The following ADAMTS3 variants were observed in gnomAD, a reference collection of about 807,000 sequenced individuals.
The protein encoded by ADAMTS3 is ADAM metallopeptidase with thrombospondin type 1 motif 3.
A neutral mutation model predicts 129.0 loss-of-function variants in ADAMTS3; 73 were observed. The observed-to-expected ratio is 0.57, with a 90% CI of 0.47 to 0.69. The LOEUF (loss-of-function observed/expected upper bound fraction) is 0.69. Among genes scored for constraint, ADAMTS3 ranks in the 30% least tolerant of loss-of-function variants. The pLI is 0.00. For synonymous variants in ADAMTS3, 477 were observed against 510.8 expected (o/e 0.93, Z 0.89); for missense variants, 1,457 against 1,514.5 (o/e 0.96, Z 0.63).
chr4:72,465,166 A>G (rs1308269664), intron 3 of ADAMTS3, among the ~76,000 whole-genome samples: 1 of 152,054 alleles, frequency 6.6e-6, no homozygotes, highest in Non-Finnish European at 1.5e-5. Context: ...AGGGGCAGGT[A>G]TCAGAGGAAC....
intron 4 of ADAMTS3, among the ~76,000 whole-genome samples, chr4:72,405,330 T>C (rs1361683005): frequency 2.0e-5 from 3 of 152,036 alleles, no homozygotes; most frequent in African/African-American, 7.2e-5. Context: ...GAAAATGTGG[T>C]ATATATATAC....
At chr4:72,350,745 T>A (rs188060339) in intron 4 of ADAMTS3, among the ~76,000 whole-genome samples, 11 of 152,088 alleles carry the variant, frequency 7.2e-5, no homozygotes, top group African/African-American at 2.4e-4. Context: ...GTCTGGCTTG[T>A]GGAAACAAGC....
chr4:72,548,602 T>C lies in ADAMTS3; in HGVS notation c.380A>G (p.His127Arg). ...TCTATACGTAGCACTTCCTGGTTGA[T>C]GGTTGTTAATGGGATCGGTTATATT... is the stretch of plus-strand genomic sequence containing the variant. ...PGNITDPINN[H>R]QPGSATYRIR... Residue 127 changes from histidine to arginine, a missense_variant, in exon 3 of 22, where the codon CAT (histidine) becomes CGT (arginine). His to Arg is a conservative substitution (Grantham distance 29). Transcript: ENST00000286657. 2 of 1,614,004 alleles carry C rather than the reference T, an allele frequency of 1.2e-6. No individual in the cohort carries two copies. The highest frequency in any genetic ancestry group is 1.7e-6 in the Non-Finnish European group (2 of 1,179,930).
In ADAMTS3 at chr4:72,530,519, AATATATTAATTTAAT is replaced by A. The variant is rs1392480333; in HGVS notation, c.504+17944_504+17958del. 1.8e-3 allele frequency among the ~76,000 whole-genome samples: 161 copies of A among 89,144 alleles called. 1 individual carries two copies. Among genetic ancestry groups the A allele is most frequent in the African/African-American group, 6.9e-3 (150 of 21,702 alleles). 58.5% of individuals were successfully genotyped at this position (89,144 alleles called of 152,430 possible). A position where few individuals can be genotyped will look rare whatever the true frequency, so the allele number is the denominator to read the frequency against. On this transcript the variant is annotated intron_variant, in intron 3 of 21. Coordinates refer to ENST00000286657, the MANE Select transcript of ADAMTS3 (RefSeq NM_014243.3). ...ATATACAAATATATATTTATATATA[AATATATTAATTTAAT>A]ATATATTAATTTAAAATATATTGAT...
intron 3 of ADAMTS3, among the ~76,000 whole-genome samples, chr4:72,447,859 A>G (rs1578687532): frequency 6.6e-6 from 1 of 151,896 alleles, no homozygotes; most frequent in Non-Finnish European, 1.5e-5. Flanking sequence ...ATATCTAAAA[A>G]TGTAACCACT....
intron 3 of ADAMTS3, among the ~76,000 whole-genome samples, chr4:72,496,412 C>T (rs193148232): frequency 4.6e-5 from 7 of 152,244 alleles, no homozygotes. Flanking sequence ...TCAGATCTCA[C>T]CTTTCTTCTT....
rs773209075 is a variant in ADAMTS3, at chr4:72,318,609, C to A, written c.1448G>T (p.Arg483Leu). Residue 483 changes from arginine to leucine, a missense_variant, in exon 10 of 22, where the codon CGT becomes CTT. By Grantham distance (102) the Arg-to-Leu change is moderately radical. Coordinates refer to ENST00000286657, the MANE Select transcript of ADAMTS3 (RefSeq NM_014243.3). ...TTTATAGCCAACACCAAAATCAAAA[C>A]GACATTGCTCATCCATAGAATAATT... ...GINYSMDEQC[R>L]FDFGVGYKMC... 2.5e-6 allele frequency: 4 copies of A among 1,613,770 alleles called. No homozygotes were observed. The highest frequency in any genetic ancestry group is 3.4e-6 in the Non-Finnish European group (4 of 1,179,872).
chr4:72,537,692 T>C lies in ADAMTS3; in HGVS notation c.504+10786A>G, dbSNP rs1721216592. 2.0e-5 allele frequency among the ~76,000 whole-genome samples: 3 copies of C among 152,208 alleles called. No homozygotes were observed. The South Asian group carries it at 6.2e-4, about 32-fold the overall frequency. On this transcript the variant is annotated intron_variant, in intron 3 of 21. Coordinates refer to ENST00000286657, the MANE Select transcript of ADAMTS3 (RefSeq NM_014243.3). The stretch of plus-strand genomic sequence containing the variant: ...CTGATTTCCAGAGATACAACACTAT[T>C]AGGTTCAGAAGCTCAATTTAAAACC...
chr4:72,469,715 C>T (rs373013511), intron 3 of ADAMTS3, among the ~76,000 whole-genome samples: 5 of 152,120 alleles, frequency 3.3e-5, no homozygotes, highest in East Asian at 3.9e-4. Flanking sequence ...CCTCCTCCTC[C>T]GCCTCCTCTC....
Position 72,283,483 on chromosome 4 carries a change from G to A in ADAMTS3, c.3271C>T (p.Pro1091Ser), listed in dbSNP as rs1182670059. 6 of 1,613,886 alleles carry A rather than the reference G, an allele frequency of 3.7e-6. No homozygotes were observed. The highest frequency in any genetic ancestry group is 1.6e-4 in the Middle Eastern group (1 of 6,084). Residue 1091 changes from proline (P) to serine (S), a missense_variant, in exon 22 of 22, where the codon CCT (proline) becomes TCT (serine). Physicochemically the swap from Pro to Ser is moderately conservative, Grantham distance 74. Transcript: ENST00000286657. ...TTTGCAGGGGTCTCTGAATGATAAG[G>A]AACCAAAGATGTAGGCATCACTAGA... The part of the protein sequence containing the change: ...RSLVMPTSLV[P>S]YHSETPAKKM...
chr4:72,349,199 G>A (rs1720364601), intron 4 of ADAMTS3, among the ~76,000 whole-genome samples: 1 of 151,996 alleles, frequency 6.6e-6, no homozygotes, highest in African/African-American at 2.4e-5. Context: ...TAAATAGGCT[G>A]AGCTAGCTGA....
At chr4:72,512,518 A>G (rs1047452158) in intron 3 of ADAMTS3, among the ~76,000 whole-genome samples, 1 of 152,182 alleles carries the variant, frequency 6.6e-6, no homozygotes, top group Non-Finnish European at 1.5e-5. Flanking sequence ...ATAAATAAAT[A>G]AGACTTACTA....
chr4:72,451,732 A>G (rs1718411905), intron 3 of ADAMTS3, among the ~76,000 whole-genome samples: 1 of 151,584 alleles, frequency 6.6e-6, no homozygotes, highest in Non-Finnish European at 1.5e-5. Context: ...GTTAAAGGAA[A>G]TATGATTGAC....
chr4:72,400,118 GTATA>G (rs761270518), intron 4 of ADAMTS3, among the ~76,000 whole-genome samples: 2 of 120,370 alleles, frequency 1.7e-5, no homozygotes, highest in Non-Finnish European at 3.5e-5. Context: ...CACATGGTGT[GTATA>G]TACGTGTGTA....
intron 2 of ADAMTS3, among the ~76,000 whole-genome samples, chr4:72,562,446 T>A (rs903771159): frequency 6.6e-6 from 1 of 152,190 alleles, no homozygotes; most frequent in African/African-American, 2.4e-5. Flanking sequence ...TTCACTATCA[T>A]GGGAAAATAA....
At position 72,360,335 on chromosome 4, in the gene ADAMTS3, G is replaced by A. The variant is rs564148045; in HGVS notation, c.662-20642C>T. 2.6e-5 allele frequency among the ~76,000 whole-genome samples: 4 copies of A among 151,996 alleles called. No individual in the cohort carries two copies. In the South Asian group the frequency reaches 6.2e-4, roughly 24 times the overall value. The stretch of plus-strand genomic sequence containing the variant: ...TCTACTGAAAAGGACACAAATTCTC[G>A]ACCTGAATGCCTACGGTCTCATAAA... On this transcript the variant is annotated intron_variant, in intron 4 of 21. Coordinates refer to ENST00000286657, the MANE Select transcript of ADAMTS3 (RefSeq NM_014243.3).
At chr4:72,446,530 G>A (rs937935384) in intron 3 of ADAMTS3, among the ~76,000 whole-genome samples, 1 of 151,608 alleles carries the variant, frequency 6.6e-6, no homozygotes, top group African/African-American at 2.4e-5. Context: ...TCACACTGGT[G>A]TATGATCCAG....
intron 4 of ADAMTS3, among the ~76,000 whole-genome samples, chr4:72,385,949 T>G (rs980515902): frequency 6.6e-6 from 1 of 152,196 alleles, no homozygotes; most frequent in Admixed American, 6.5e-5. Context: ...TTCCTTTTAA[T>G]TACACTCAAA....
chr4:72,389,461 C>G (rs1002637555), intron 4 of ADAMTS3, among the ~76,000 whole-genome samples: 6 of 150,352 alleles, frequency 4.0e-5, no homozygotes, highest in African/African-American at 1.5e-4. Context: ...ATACACATGT[C>G]TATAATTTTA....
Sources: allele counts gnomAD v4.1 joint callset (sites outside exome capture counted in the v4.1 genomes callset), GRCh38; gene constraint gnomAD v4.1.1; transcripts MANE v1.5; gene names NCBI Gene and HGNC (gene_info 2026-07-23, HGNC 2026-07-21).